NOL4: variants seen among roughly 807,000 people sequenced by gnomAD.
NOL4 encodes the protein cancer/testis antigen 125.
NOL4 carries 17 observed loss-of-function variants against 75.9 expected under a neutral mutation model. The observed-to-expected ratio is 0.22, with a 90% CI of 0.15 to 0.34. NOL4 has a LOEUF of 0.34. Among genes scored for constraint, NOL4 ranks in the 10% least tolerant of loss-of-function variants. The pLI, the probability that NOL4 is intolerant of heterozygous loss-of-function variation, is 1.00. For missense variants in NOL4, 614 were observed against 793.5 expected (o/e 0.77, Z 2.72); for synonymous variants, 292 against 289.9 (o/e 1.01, Z -0.07).
intron 1 of NOL4, among the ~76,000 whole-genome samples, chr18:34,162,114 C>T (rs1375617224): frequency 6.6e-6 from 1 of 152,102 alleles, no homozygotes; most frequent in Non-Finnish European, 1.5e-5. Flanking sequence ...TATATTTCAA[C>T]TGTGAGACAG....
At chr18:33,935,843 C>A (rs2068022937) in intron 9 of NOL4, among the ~76,000 whole-genome samples, 1 of 152,050 alleles carries the variant, frequency 6.6e-6, no homozygotes, top group Admixed American at 6.6e-5. Context: ...CATTGAGAAA[C>A]TCAAAGATAC....
intron 6 of NOL4, among the ~76,000 whole-genome samples, chr18:33,988,848 A>T (rs1041162237): frequency 6.6e-6 from 1 of 152,028 alleles, no homozygotes; most frequent in Non-Finnish European, 1.5e-5. Flanking sequence ...TCTGCGGGCA[A>T]TGGAACCAAG....
chr18:34,192,970 T>G (rs1206234185), intron 1 of NOL4, among the ~76,000 whole-genome samples: 3 of 152,210 alleles, frequency 2.0e-5, no homozygotes, highest in Admixed American at 1.3e-4. Flanking sequence ...CCTCACCAGA[T>G]GCAGGCTCCT....
chr18:34,135,697 C>CAAAAAAAAA (rs371169726), intron 1 of NOL4, among the ~76,000 whole-genome samples: 42,602 of 57,408 alleles, frequency 0.74, 17,895 homozygotes, highest in East Asian at 0.95. Context: ...GACTCCATCT[C>CAAAAAAAAA]AAAAAAAAAA....
intron 2 of NOL4, among the ~76,000 whole-genome samples, chr18:34,125,836 A>G (rs1218078070): frequency 6.6e-6 from 1 of 152,170 alleles, no homozygotes; most frequent in East Asian, 1.9e-4. Context: ...AAAGCAAATG[A>G]AATAACTGAA....
intron 5 of NOL4, chr18:34,023,339 C>G (rs2075148782): frequency 2.3e-6 from 1 of 444,206 alleles, no homozygotes; most frequent in Admixed American, 2.4e-5. Context: ...TTCCCTCTCT[C>G]CCTAAAAGAT....
At chr18:34,127,227 C>A (rs901443066) in intron 2 of NOL4, among the ~76,000 whole-genome samples, 1 of 151,720 alleles carries the variant, frequency 6.6e-6, no homozygotes, top group Non-Finnish European at 1.5e-5. Context: ...AAAACAAATG[C>A]ATTCAAAAGT....
At chr18:34,110,657 C>T (rs1215940840) in intron 2 of NOL4, among the ~76,000 whole-genome samples, 1 of 151,956 alleles carries the variant, frequency 6.6e-6, no homozygotes, top group Admixed American at 6.6e-5. Context: ...CACTTGTATT[C>T]AATATGGTAC....
chr18:34,119,935 G>C (rs1302650177), intron 2 of NOL4, among the ~76,000 whole-genome samples: 2 of 152,110 alleles, frequency 1.3e-5, no homozygotes, highest in African/African-American at 4.8e-5. Flanking sequence ...TTTTTAAATA[G>C]GATTAAGTTT....
At chr18:34,012,034 C>A (rs575202888) in intron 6 of NOL4, among the ~76,000 whole-genome samples, 46 of 152,024 alleles carry the variant, frequency 3.0e-4, no homozygotes, top group Non-Finnish European at 5.4e-4. Flanking sequence ...GTGAAATGAA[C>A]CAACATGGAC....
chr18:34,085,836 T>C (rs1274107697), intron 5 of NOL4, among the ~76,000 whole-genome samples: 1 of 152,128 alleles, frequency 6.6e-6, no homozygotes, highest in Non-Finnish European at 1.5e-5. Flanking sequence ...AAACAGAGAA[T>C]TACTGCTTAA....
At chr18:34,143,176 G>A (rs1341841245) in intron 1 of NOL4, among the ~76,000 whole-genome samples, 9 of 152,026 alleles carry the variant, frequency 5.9e-5, no homozygotes, top group South Asian at 2.1e-4. Context: ...AGTAGAGTGC[G>A]GAGTGAAAAC....
At chr18:33,951,814 C>T (rs1045956305) in intron 8 of NOL4, among the ~76,000 whole-genome samples, 4 of 152,046 alleles carry the variant, frequency 2.6e-5, no homozygotes, top group African/African-American at 9.7e-5. Flanking sequence ...TTTCTTAATT[C>T]CACTTTCATA....
chr18:33,856,276 A>C (rs961557923), intron 10 of NOL4, among the ~76,000 whole-genome samples: 1 of 152,092 alleles, frequency 6.6e-6, no homozygotes, highest in African/African-American at 2.4e-5. Flanking sequence ...AGTTATGGTT[A>C]AAACAAAACT....
chr18:34,071,995 G>A (rs2077540083), intron 5 of NOL4, among the ~76,000 whole-genome samples: 1 of 152,164 alleles, frequency 6.6e-6, no homozygotes, highest in East Asian at 1.9e-4. Flanking sequence ...CACTTTGGGA[G>A]GCTGAGGCCT....
rs918726220 is a variant in NOL4, at chr18:34,135,505, C to T, written c.265-5485G>A. ...GAGGTCAGAAGATCGAGATCATCCT[C>T]GCTAATACAGTGAAACCCTGTCTCT... On this transcript the variant is annotated intron_variant, in intron 1 of 10. Transcript: ENST00000261592. 4.0e-5 allele frequency among the ~76,000 whole-genome samples: 6 copies of T among 151,658 alleles called. 1 individual carries two copies. The Middle Eastern group carries it at 0.014, about 346-fold the overall frequency.
At chr18:34,144,578 T>C (rs2081323264) in intron 1 of NOL4, among the ~76,000 whole-genome samples, 1 of 152,124 alleles carries the variant, frequency 6.6e-6, no homozygotes, top group Admixed American at 6.6e-5. Context: ...CTCAACAAAA[T>C]GATGGGTTTA....
chr18:34,090,997 G>T (rs1303064217), intron 5 of NOL4, among the ~76,000 whole-genome samples: 1 of 151,952 alleles, frequency 6.6e-6, no homozygotes, highest in East Asian at 1.9e-4. Context: ...AGTATTAAGA[G>T]GTATGGCCTT....
intron 9 of NOL4, among the ~76,000 whole-genome samples, chr18:33,914,649 G>A (rs2066606953): frequency 6.6e-6 from 1 of 152,050 alleles, no homozygotes; most frequent in Admixed American, 6.6e-5. Flanking sequence ...AACAGTGTGG[G>A]CAGATTGACT....
Sources: gnomAD v4.1 joint callset for allele counts (sites outside exome capture counted in the v4.1 genomes callset) on GRCh38, gnomAD v4.1.1 for gene constraint, MANE v1.5 for transcripts, NCBI Gene and HGNC (gene_info 2026-07-23, HGNC 2026-07-21) for gene names.